The following GPATCH2L variants were observed in gnomAD, a reference collection of about 807,000 sequenced individuals.
GPATCH2L encodes G patch domain-containing protein 2-like.
GPATCH2L carries 31 observed loss-of-function variants against 57.4 expected under a neutral mutation model. The observed-to-expected ratio is 0.54, with a 90% CI of 0.41 to 0.73. The LOEUF (loss-of-function observed/expected upper bound fraction) is 0.73, where lower values mean the gene tolerates loss of function less well. Among genes scored for constraint, GPATCH2L ranks in the 30% least tolerant of loss-of-function variants. GPATCH2L has a pLI of 0.00. For synonymous variants in GPATCH2L, 199 were observed against 210.7 expected (o/e 0.94, Z 0.48); for missense variants, 481 against 599.9 (o/e 0.80, Z 2.07).
intron 8 of GPATCH2L, among the ~76,000 whole-genome samples, chr14:76,191,167 T>G (rs2039949361): frequency 6.6e-6 from 1 of 152,158 alleles, no homozygotes; most frequent in Non-Finnish European, 1.5e-5. Flanking sequence ...TGTCCCTCTT[T>G]TAGTTTCCAT....
chr14:76,210,867 T>C lies in GPATCH2L; in HGVS notation c.*9016T>C, dbSNP rs1360454345. On this transcript the variant is annotated 3_prime_UTR_variant, in exon 10 of 10. Coordinates refer to ENST00000261530, the MANE Select transcript of GPATCH2L (RefSeq NM_017926.4). Reference sequence around the variant, plus strand: ...TCATTAGATGTGTATGGAACACATCTTATGCCAAGCACTCTGCTAGGAGCT... The same window carrying C: ...TCATTAGATGTGTATGGAACACATCCTATGCCAAGCACTCTGCTAGGAGCT... 6.6e-6 allele frequency: 1 copy of C among 152,208 alleles called. No homozygotes were observed. Among genetic ancestry groups the C allele is most frequent in the Non-Finnish European group, 1.5e-5 (1 of 68,028 alleles). 9.4% of individuals were successfully genotyped at this position (152,208 alleles called of 1,614,324 possible).
chr14:76,184,288 T>C (rs2039688525), intron 8 of GPATCH2L, among the ~76,000 whole-genome samples: 1 of 152,130 alleles, frequency 6.6e-6, no homozygotes. Flanking sequence ...TTCCCTTTTT[T>C]CACATGCCTA....
At chr14:76,215,240 G>C (rs2040481925), downstream of GPATCH2L, among the ~76,000 whole-genome samples, 1 of 151,996 alleles carries the variant, frequency 6.6e-6, no homozygotes, top group African/African-American at 2.4e-5. Context: ...CAGTTAGAAT[G>C]GCAATCATTA....
chr14:76,224,918 A>G (rs548591123), intron 1 of GPATCH2L, among the ~76,000 whole-genome samples: 1 of 152,338 alleles, frequency 6.6e-6, no homozygotes, highest in South Asian at 2.1e-4. Context: ...CTGAGAATAA[A>G]TCTAATGAAA....
intron 5 of GPATCH2L, chr14:76,176,320 A>G (rs1277065507): frequency 7.3e-6 from 2 of 275,252 alleles, no homozygotes; most frequent in Non-Finnish European, 1.4e-5. Flanking sequence ...TTACTCCTAT[A>G]TACTTCAGTA....
intron 1 of GPATCH2L, among the ~76,000 whole-genome samples, chr14:76,221,120 A>T (rs61979256): frequency 0.015 from 2,260 of 152,016 alleles, 32 homozygotes; most frequent in Non-Finnish European, 0.024. Flanking sequence ...ACATCTGATA[A>T]AGGACTGTTA....
chr14:76,191,769 A>T (rs1273192702), intron 8 of GPATCH2L, among the ~76,000 whole-genome samples: 3 of 152,146 alleles, frequency 2.0e-5, no homozygotes, highest in Non-Finnish European at 4.4e-5. Flanking sequence ...TCAAACATTT[A>T]TCATTTCTTT....
intron 8 of GPATCH2L, among the ~76,000 whole-genome samples, chr14:76,186,883 G>A (rs2039785932): frequency 6.6e-6 from 1 of 152,176 alleles, no homozygotes; most frequent in African/African-American, 2.4e-5. Flanking sequence ...AAGGGAATTA[G>A]ATTAGGGAGA....
chr14:76,200,888 C>T (rs991022603), intron 9 of GPATCH2L, among the ~76,000 whole-genome samples: 2 of 152,110 alleles, frequency 1.3e-5, no homozygotes, highest in Admixed American at 1.3e-4. Context: ...TTGTTCTCAG[C>T]AGAGTGGGTA....
chr14:76,155,092 C>A, intron 2 of GPATCH2L, 67 bp downstream of exon 2: 2 of 1,300,566 alleles, frequency 1.5e-6, no homozygotes, highest in Non-Finnish European at 2.1e-6. Flanking sequence ...CATCCATGGT[C>A]TTAGTGGGTT....
chr14:76,162,573 A>G (rs564809022), intron 2 of GPATCH2L, among the ~76,000 whole-genome samples: 4 of 152,314 alleles, frequency 2.6e-5, no homozygotes, highest in African/African-American at 9.6e-5. Context: ...ATTACCACAG[A>G]TGACTACTGG....
At chr14:76,180,718 C>A in intron 7 of GPATCH2L, 46 bp from the exon 8 acceptor site, 1 of 1,227,174 alleles carries the variant, frequency 8.1e-7, no homozygotes, top group Non-Finnish European at 1.2e-6. Context: ...AGGATCAGGT[C>A]CGTTTCATGT....
chr14:76,202,553 A>ACACACACACACG lies in GPATCH2L; in HGVS notation c.*712_*713insCGCACACACACA, dbSNP rs1414948326. Reference sequence around the variant, plus strand: ...CGTGTGTATACACACACACACACACACACACACACAGATTGGTATAATGGA... The same window carrying ACACACACACACG: ...CGTGTGTATACACACACACACACACACACACACACACGCACACACACAGATTGGTATAATGGA... On this transcript the variant is annotated 3_prime_UTR_variant, in exon 10 of 10. Coordinates refer to ENST00000261530, the MANE Select transcript of GPATCH2L (RefSeq NM_017926.4). The ACACACACACACG allele has an allele frequency of 2.9e-5, 4 of 138,382 alleles. No homozygotes were observed. Among genetic ancestry groups the ACACACACACACG allele is most frequent in the African/African-American group, 9.8e-5 (4 of 40,958 alleles). 8.6% of individuals were successfully genotyped at this position (138,382 alleles called of 1,614,324 possible). A position where few individuals can be genotyped will look rare whatever the true frequency, so the allele number is the denominator to read the frequency against.
intron 8 of GPATCH2L, among the ~76,000 whole-genome samples, chr14:76,187,142 C>T (rs1326708228): frequency 1.3e-5 from 2 of 151,840 alleles, no homozygotes; most frequent in African/African-American, 4.8e-5. Context: ...GTCAGTAAAC[C>T]TTAAAGGTAA....
chr14:76,196,986 C>T (rs2040173203), intron 9 of GPATCH2L, among the ~76,000 whole-genome samples: 1 of 152,096 alleles, frequency 6.6e-6, no homozygotes, highest in Non-Finnish European at 1.5e-5. Flanking sequence ...GTGCTTTCCA[C>T]ATGGCCAGGC....
rs752852406 is a variant in GPATCH2L, at chr14:76,154,447, G to A, written c.84G>A (p.Met28Ile). ...QNKLGELWEEMALSPRQQRRQ... is the reference protein window; with the variant it reads ...QNKLGELWEEIALSPRQQRRQ... The stretch of plus-strand genomic sequence containing the variant: ...AGCTTGGTGAACTGTGGGAGGAGAT[G>A]GCGCTGAGCCCCCGACAGCAGAGGC... Residue 28 changes from methionine (M) to isoleucine (I), a missense_variant, in exon 2 of 10, where the codon ATG becomes ATA. This residue lies in a region of GPATCH2L where 208 missense variants were observed against 272.4 expected (regional missense o/e 0.76). Transcript: ENST00000261530. The surrounding 1 kb of genome is among the most constrained non-coding windows in gnomAD (Gnocchi z 4.4). 1.2e-6 allele frequency: 2 copies of A among 1,614,184 alleles called. No individual in the cohort carries two copies. Among genetic ancestry groups the A allele is most frequent in the East Asian group, 4.5e-5 (2 of 44,880 alleles).
chr14:76,152,087 C>G (rs998536775), intron 1 of GPATCH2L, 96 bp downstream of exon 1: 4 of 152,802 alleles, frequency 2.6e-5, no homozygotes, highest in Non-Finnish European at 5.8e-5. Flanking sequence ...CTAAGGGCGT[C>G]TTGGGGCTGC....
chr14:76,181,273 A>C (rs2039551086), intron 8 of GPATCH2L, among the ~76,000 whole-genome samples: 1 of 152,158 alleles, frequency 6.6e-6, no homozygotes, highest in African/African-American at 2.4e-5. Context: ...GTTCTTCAAA[A>C]ATTGCAGCAG....
rs2040429432 is a variant in GPATCH2L, at chr14:76,210,542, C to G, written c.*8691C>G. On this transcript the variant is annotated 3_prime_UTR_variant, in exon 10 of 10. Transcript: ENST00000261530. The stretch of plus-strand genomic sequence containing the variant: ...TGGGCTCATCCCTTCTCTGTGCGTA[C>G]ATGATTGAAAGGAGATAGCCGGTTT... 1.3e-5 allele frequency: 2 copies of G among 152,146 alleles called. No homozygotes were observed. The highest frequency in any genetic ancestry group is 2.9e-5 in the Non-Finnish European group (2 of 68,044). 9.4% of individuals were successfully genotyped at this position (152,146 alleles called of 1,614,324 possible).
Sources: gnomAD v4.1 joint callset for allele counts (sites outside exome capture counted in the v4.1 genomes callset) on GRCh38, gnomAD v4.1.1 for gene constraint, gnomAD v4.1.1 regional missense constraint, Gnocchi (gnomAD v3.1) non-coding constraint, MANE v1.5 for transcripts, NCBI Gene and HGNC (gene_info 2026-07-23, HGNC 2026-07-21) for gene names.